SGCD: variants seen among roughly 807,000 people sequenced by gnomAD.
SGCD encodes delta-sarcoglycan.
SGCD carries 18 observed loss-of-function variants against 36.6 expected under a neutral mutation model. The observed-to-expected ratio is 0.49, with a 90% confidence interval of 0.34 to 0.73. SGCD has a LOEUF of 0.73. SGCD is among the 30% of genes least tolerant of loss of function. The pLI, the probability that SGCD is intolerant of heterozygous loss-of-function variation, is 0.01. For missense variants in SGCD, 387 were observed against 346.7 expected (o/e 1.12, Z -0.92); for synonymous variants, 133 against 130.6 (o/e 1.02, Z -0.12).
At chr5:155,742,026 C>G in the SGCD span, among the ~76,000 whole-genome samples, 1 of 152,098 alleles carries the variant, frequency 6.6e-6, no homozygotes, top group Non-Finnish European at 1.5e-5. Context: ...ATGCCCTTGG[C>G]TGAGAAGAGG....
chr5:155,831,206 T>C, the SGCD span, among the ~76,000 whole-genome samples: 3 of 152,190 alleles, frequency 2.0e-5, no homozygotes, highest in African/African-American at 7.2e-5. Context: ...GAACTGTTAC[T>C]TGTGCTCTTG....
At chr5:156,428,450 T>C (rs1475624771) in intron 3 of SGCD, among the ~76,000 whole-genome samples, 2 of 152,136 alleles carry the variant, frequency 1.3e-5, no homozygotes, top group Non-Finnish European at 2.9e-5. Flanking sequence ...TTAATCTCTT[T>C]AATGCTCTGT....
chr5:155,923,495 T>C (rs1429679697), intron 1 of SGCD, among the ~76,000 whole-genome samples: 1 of 152,180 alleles, frequency 6.6e-6, no homozygotes, highest in Non-Finnish European at 1.5e-5. Context: ...AGATGAACGT[T>C]CATAGTTATT....
At chr5:155,876,047 TA>T (rs1199979307) in intron 1 of SGCD, among the ~76,000 whole-genome samples, 1 of 150,930 alleles carries the variant, frequency 6.6e-6, no homozygotes, top group African/African-American at 2.5e-5. Flanking sequence ...TTTATTTTTT[TA>T]TTTATTTTTT....
At chr5:156,108,263 A>G (rs553944209) in intron 1 of SGCD, among the ~76,000 whole-genome samples, 11 of 152,232 alleles carry the variant, frequency 7.2e-5, no homozygotes, top group South Asian at 2.1e-4. Context: ...TACTCTTTGC[A>G]TTTCGTAACA....
chr5:156,684,464 CT>C (rs1753835338), intron 7 of SGCD, among the ~76,000 whole-genome samples: 1 of 152,216 alleles, frequency 6.6e-6, no homozygotes, highest in Admixed American at 6.5e-5. Context: ...ATCTCAAATG[CT>C]TTCTCTTCCT....
intron 7 of SGCD, among the ~76,000 whole-genome samples, chr5:156,718,555 G>A (rs1457109437): frequency 6.6e-6 from 1 of 152,010 alleles, no homozygotes; most frequent in East Asian, 1.9e-4. Context: ...CGAGGTGGGT[G>A]GATCACTGGA....
intron 3 of SGCD, among the ~76,000 whole-genome samples, chr5:156,155,360 T>C (rs1429710759): frequency 6.6e-6 from 1 of 151,642 alleles, no homozygotes; most frequent in Non-Finnish European, 1.5e-5. Context: ...TGTAAAATAC[T>C]GTGAGTGGTG....
intron 7 of SGCD, among the ~76,000 whole-genome samples, chr5:156,673,522 A>G (rs1441217492): frequency 6.6e-6 from 1 of 152,180 alleles, no homozygotes; most frequent in Non-Finnish European, 1.5e-5. Flanking sequence ...ACAACGGAAG[A>G]TGAGTTTCCA....
chr5:155,872,351 GCACACACACA>G (rs3085993), intron 1 of SGCD, among the ~76,000 whole-genome samples: 174 of 145,074 alleles, frequency 1.2e-3, no homozygotes, highest in African/African-American at 3.2e-3. Flanking sequence ...CTTCTCTTCA[GCACACACACA>G]CACACACACA....
chr5:156,443,311 T>A (rs1443921637), intron 3 of SGCD, among the ~76,000 whole-genome samples: 1 of 152,102 alleles, frequency 6.6e-6, no homozygotes, highest in Non-Finnish European at 1.5e-5. Flanking sequence ...ACTGTTTCCT[T>A]TTAACGTATT....
chr5:156,626,726 G>A lies in SGCD; in HGVS notation c.503-20738G>A, dbSNP rs566453343. 7.2e-5 allele frequency among the ~76,000 whole-genome samples: 11 copies of A among 152,186 alleles called. No individual in the cohort carries two copies. In the South Asian group the frequency reaches 2.3e-3, roughly 32 times the overall value. On this transcript the variant is annotated intron_variant, in intron 6 of 8. Transcript: ENST00000337851. The stretch of plus-strand genomic sequence containing the variant: ...ACATTTGTTAAGCAACCAATATGTA[G>A]GTAGATTTGTTTTATACTCTACATT...
chr5:156,155,065 T>C (rs894558168), intron 3 of SGCD, among the ~76,000 whole-genome samples: 2 of 151,700 alleles, frequency 1.3e-5, no homozygotes, highest in African/African-American at 4.9e-5. Context: ...AATGAGAACA[T>C]GCGACAATAA....
chr5:156,097,170 G>A (rs1187756099), intron 1 of SGCD, among the ~76,000 whole-genome samples: 1 of 151,438 alleles, frequency 6.6e-6, no homozygotes, highest in Non-Finnish European at 1.5e-5. Context: ...ATTATTATAT[G>A]TTTTGTTCTG....
the SGCD span, among the ~76,000 whole-genome samples, chr5:155,728,734 C>A: frequency 2.6e-5 from 4 of 152,240 alleles, no homozygotes; most frequent in African/African-American, 9.6e-5. Flanking sequence ...AAGTCCGCCC[C>A]CAGAGCCGCC....
chr5:156,590,030 C>G (rs1760659632), intron 5 of SGCD, among the ~76,000 whole-genome samples: 1 of 152,084 alleles, frequency 6.6e-6, no homozygotes, highest in Non-Finnish European at 1.5e-5. Flanking sequence ...AAGCAGTGAA[C>G]AGGGAGGCAT....
At chr5:156,685,503 G>T (rs1753871067) in intron 7 of SGCD, among the ~76,000 whole-genome samples, 1 of 152,272 alleles carries the variant, frequency 6.6e-6, no homozygotes, top group African/African-American at 2.4e-5. Context: ...GTGCCATAGA[G>T]TAGAAAGGGC....
At chr5:156,026,627 A>T (rs1164467695) in intron 1 of SGCD, among the ~76,000 whole-genome samples, 1 of 152,222 alleles carries the variant, frequency 6.6e-6, no homozygotes, top group African/African-American at 2.4e-5. Context: ...GTTAAGTTTA[A>T]TCGTCAGCTT....
chr5:156,583,819 T>C (rs1202842382), intron 4 of SGCD, among the ~76,000 whole-genome samples: 3 of 152,216 alleles, frequency 2.0e-5, no homozygotes, highest in African/African-American at 7.2e-5. Context: ...AATTAATATG[T>C]ACCAAAGTGA....
Sources: allele counts gnomAD v4.1 joint callset (sites outside exome capture counted in the v4.1 genomes callset), GRCh38; gene constraint gnomAD v4.1.1; transcripts MANE v1.5; gene names NCBI Gene and HGNC (gene_info 2026-07-23, HGNC 2026-07-21).